ANKRD6: variants seen among roughly 807,000 people sequenced by gnomAD.
ANKRD6 encodes ankyrin repeat domain-containing protein 6.
Under a neutral mutation model 82.3 loss-of-function variants are expected in ANKRD6, and 56 were observed. The observed-to-expected ratio is 0.68, with a 90% CI of 0.55 to 0.85. The LOEUF is 0.85. Ranked by LOEUF, ANKRD6 falls within the 40% of genes least tolerant of loss-of-function variation. ANKRD6 has a pLI of 0.00. For synonymous variants in ANKRD6, 347 were observed against 352.1 expected (o/e 0.99, Z 0.16); for missense variants, 852 against 907.6 (o/e 0.94, Z 0.79).
chr6:89,462,269 T>TAATAAA (rs899537110), intron 1 of ANKRD6, among the ~76,000 whole-genome samples: 29 of 147,928 alleles, frequency 2.0e-4, no homozygotes, highest in African/African-American at 3.9e-4. Context: ...ATAATAATAA[T>TAATAAA]AAATACATAA....
intron 1 of ANKRD6, among the ~76,000 whole-genome samples, chr6:89,524,522 A>G (rs1191126587): frequency 6.6e-6 from 1 of 152,226 alleles, no homozygotes; most frequent in East Asian, 1.9e-4. Context: ...ATTCGCAGCA[A>G]CTGGGCTGGA....
chr6:89,492,194 GGGGC>G (rs1778099328), intron 1 of ANKRD6, among the ~76,000 whole-genome samples: 1 of 152,208 alleles, frequency 6.6e-6, no homozygotes, highest in African/African-American at 2.4e-5. Context: ...AGAGAGCGCC[GGGGC>G]TGGGAGACAG....
chr6:89,471,963 A>AAAG (rs1554216472), intron 1 of ANKRD6, among the ~76,000 whole-genome samples: 71 of 143,562 alleles, frequency 4.9e-4, no homozygotes, highest in African/African-American at 7.3e-4. Context: ...AAAAAAAAAA[A>AAAG]AGAGAGAGAG....
chr6:89,507,414 C>T (rs1245521629), intron 1 of ANKRD6, among the ~76,000 whole-genome samples: 1 of 152,212 alleles, frequency 6.6e-6, no homozygotes, highest in African/African-American at 2.4e-5. Flanking sequence ...TCTTACCAGT[C>T]TGATTTCTCT....
intron 1 of ANKRD6, among the ~76,000 whole-genome samples, chr6:89,466,952 C>G (rs1388165863): frequency 6.6e-6 from 1 of 152,112 alleles, no homozygotes; most frequent in Non-Finnish European, 1.5e-5. Flanking sequence ...AGTTATTCTC[C>G]CATATTGGCC....
intron 3 of ANKRD6, among the ~76,000 whole-genome samples, chr6:89,599,547 C>T (rs1330688076): frequency 6.6e-6 from 1 of 152,158 alleles, no homozygotes. Context: ...TTCTTCGTGT[C>T]ATTTCAAGGA....
intron 11 of ANKRD6, 124 bp from the exon 12 acceptor site, chr6:89,623,748 G>A (rs1254533304): frequency 7.9e-7 from 1 of 1,261,536 alleles, no homozygotes; most frequent in African/African-American, 1.5e-5. Context: ...GCTTGGAGTA[G>A]GACACCATGA....
intron 1 of ANKRD6, among the ~76,000 whole-genome samples, chr6:89,479,867 G>A (rs753678243): frequency 1.2e-4 from 19 of 152,162 alleles, no homozygotes; most frequent in Middle Eastern, 6.8e-3. Context: ...GACATTCTCA[G>A]TAATAATCAA....
At chr6:89,501,302 A>G (rs1779237219) in intron 1 of ANKRD6, among the ~76,000 whole-genome samples, 1 of 152,230 alleles carries the variant, frequency 6.6e-6, no homozygotes, top group East Asian at 1.9e-4. Context: ...AAAAAACACA[A>G]ATACTTTCAG....
intron 1 of ANKRD6, among the ~76,000 whole-genome samples, chr6:89,466,430 A>G (rs1554215146): frequency 6.6e-6 from 1 of 152,254 alleles, no homozygotes; most frequent in Non-Finnish European, 1.5e-5. Context: ...AAATTTTGCC[A>G]GCAATACATG....
intron 2 of ANKRD6, 132 bp from the exon 3 acceptor site, chr6:89,595,784 T>TGG: frequency 1.5e-6 from 1 of 672,070 alleles, no homozygotes; most frequent in African/African-American, 1.8e-5. Context: ...AAGAATCTCC[T>TGG]GCCAATCCAA....
chr6:89,461,385 G>T (rs1774117191), intron 1 of ANKRD6, among the ~76,000 whole-genome samples: 2 of 152,162 alleles, frequency 1.3e-5, no homozygotes, highest in African/African-American at 4.8e-5. Flanking sequence ...GGAGAGAATA[G>T]AATTAGTGAG....
intron 1 of ANKRD6, among the ~76,000 whole-genome samples, chr6:89,516,505 G>T (rs755446048): frequency 2.6e-5 from 4 of 152,038 alleles, no homozygotes; most frequent in African/African-American, 9.7e-5. Context: ...TTAAGACACA[G>T]CCTCTGTTGC....
intron 1 of ANKRD6, chr6:89,565,293 A>G (rs1788241967): frequency 6.6e-6 from 1 of 152,130 alleles, no homozygotes; most frequent in African/African-American, 2.4e-5. Context: ...TTTGTTTCTA[A>G]TGACCCAGTG....
At chr6:89,541,791 C>T (rs1784478326) in intron 1 of ANKRD6, among the ~76,000 whole-genome samples, 1 of 151,112 alleles carries the variant, frequency 6.6e-6, no homozygotes, top group Non-Finnish European at 1.5e-5. Context: ...ATATAGTTTT[C>T]ATAGAGATAT....
At position 89,462,812 on chromosome 6, in the gene ANKRD6, T is replaced by A. The variant is rs139012608; in HGVS notation, c.-144+29437T>A. 7.8e-3 allele frequency among the ~76,000 whole-genome samples: 1,184 copies of A among 152,224 alleles called. 18 individuals are homozygous for A. The highest frequency in any genetic ancestry group is 0.027 in the African/African-American group (1,107 of 41,546). The stretch of plus-strand genomic sequence containing the variant: ...TTTATTTTTAGAGATGTTTTTACAT[T>A]GTAGAAAAGTACACGAGTACCCCTA... On this transcript the variant is annotated intron_variant, in intron 1 of 15. Coordinates refer to ENST00000339746, the MANE Select transcript of ANKRD6 (RefSeq NM_001242809.2).
chr6:89,582,787 C>T (rs1396637707), intron 2 of ANKRD6, among the ~76,000 whole-genome samples: 1 of 152,178 alleles, frequency 6.6e-6, no homozygotes, highest in African/African-American at 2.4e-5. Context: ...TATTAGCCTC[C>T]TTGAGCCTTC....
intron 2 of ANKRD6, among the ~76,000 whole-genome samples, chr6:89,571,688 T>A (rs1179369867): frequency 1.3e-5 from 2 of 152,018 alleles, no homozygotes; most frequent in African/African-American, 4.8e-5. Flanking sequence ...CTCCCGCCCC[T>A]AAACATGTTT....
intron 1 of ANKRD6, among the ~76,000 whole-genome samples, chr6:89,536,022 G>T (rs949650618): frequency 6.6e-6 from 1 of 152,196 alleles, no homozygotes. Context: ...TTGAGGCCAG[G>T]AGTTTGAGAC....
Sources: allele counts gnomAD v4.1 joint callset (sites outside exome capture counted in the v4.1 genomes callset), GRCh38; gene constraint gnomAD v4.1.1; transcripts MANE v1.5; gene names NCBI Gene and HGNC (gene_info 2026-07-23, HGNC 2026-07-21).